CDKAL1: variants seen among roughly 807,000 people sequenced by gnomAD.
The protein encoded by CDKAL1 is threonylcarbamoyladenosine tRNA methylthiotransferase.
Under a neutral mutation model 68.2 loss-of-function variants are expected in CDKAL1, and 32 were observed. The observed-to-expected ratio is 0.47, with a 90% confidence interval of 0.35 to 0.63. The LOEUF is 0.63. Ranked by LOEUF, CDKAL1 falls within the 30% of genes least tolerant of loss-of-function variation. CDKAL1 has a pLI of 0.00. For missense variants in CDKAL1, 606 were observed against 696.7 expected (o/e 0.87, Z 1.47); for synonymous variants, 234 against 244.3 (o/e 0.96, Z 0.39).
At chr6:20,825,027 C>T (rs2150449699) in intron 8 of CDKAL1, among the ~76,000 whole-genome samples, 1 of 152,044 alleles carries the variant, frequency 6.6e-6, no homozygotes, top group Non-Finnish European at 1.5e-5. Flanking sequence ...CTGCTTTTTC[C>T]TACCATTTCT....
At chr6:20,660,984 G>A (rs1769259113) in intron 5 of CDKAL1, among the ~76,000 whole-genome samples, 1 of 152,076 alleles carries the variant, frequency 6.6e-6, no homozygotes, top group South Asian at 2.1e-4. Flanking sequence ...AAAATCAACT[G>A]CTTGCTGTTG....
chr6:20,810,392 TCACACACACACACACACACACACACA>T (rs59104508), intron 8 of CDKAL1, among the ~76,000 whole-genome samples: 19 of 115,648 alleles, frequency 1.6e-4, no homozygotes, highest in South Asian at 4.0e-4. Context: ...TCTCTCTCTG[TCACACACACACACACACACACACACA>T]CACACACACA....
At chr6:21,206,894 C>T (rs1778959709) in intron 15 of CDKAL1, among the ~76,000 whole-genome samples, 1 of 151,360 alleles carries the variant, frequency 6.6e-6, no homozygotes, top group Admixed American at 6.6e-5. Flanking sequence ...GCAGTGGTTT[C>T]CTGGCTTTTA....
At chr6:20,694,507 C>T (rs765169364) in intron 5 of CDKAL1, among the ~76,000 whole-genome samples, 1 of 152,036 alleles carries the variant, frequency 6.6e-6, no homozygotes, top group Non-Finnish European at 1.5e-5. Context: ...GCATATTGTC[C>T]ATGTCTGTAT....
chr6:21,082,547 C>T (rs1366005282), intron 12 of CDKAL1, among the ~76,000 whole-genome samples: 5 of 152,192 alleles, frequency 3.3e-5, no homozygotes, highest in African/African-American at 1.2e-4. Context: ...AAAATAAGTA[C>T]TCATCCGATA....
intron 9 of CDKAL1, among the ~76,000 whole-genome samples, chr6:20,908,383 AT>A (rs750909175): frequency 2.8e-4 from 43 of 152,362 alleles, no homozygotes; most frequent in Non-Finnish European, 5.6e-4. Flanking sequence ...TTGATTAAAA[AT>A]GTCACATTTT....
chr6:21,011,969 T>G (rs897024278), intron 11 of CDKAL1, among the ~76,000 whole-genome samples: 1 of 152,172 alleles, frequency 6.6e-6, no homozygotes, highest in East Asian at 1.9e-4. Flanking sequence ...TTCTCAGTCA[T>G]GTAAATGAAG....
chr6:20,641,747 A>G (rs932532566), intron 4 of CDKAL1, among the ~76,000 whole-genome samples: 4 of 152,212 alleles, frequency 2.6e-5, no homozygotes, highest in African/African-American at 9.7e-5. Context: ...GTGTCGTTAT[A>G]GTGGATATGT....
At chr6:20,724,981 C>T (rs533794115) in intron 5 of CDKAL1, among the ~76,000 whole-genome samples, 6 of 152,212 alleles carry the variant, frequency 3.9e-5, no homozygotes, top group South Asian at 4.1e-4. Flanking sequence ...TCATTCTTGG[C>T]GAATGTGATA....
chr6:20,792,008 G>A (rs1775917685), intron 8 of CDKAL1, among the ~76,000 whole-genome samples: 2 of 151,688 alleles, frequency 1.3e-5, no homozygotes, highest in Non-Finnish European at 2.9e-5. Context: ...TGAAACTTGT[G>A]TAGCCCAACT....
chr6:20,637,036 C>CA (rs58986368), intron 4 of CDKAL1, among the ~76,000 whole-genome samples: 80 of 113,194 alleles, frequency 7.1e-4, no homozygotes, highest in Non-Finnish European at 9.2e-4. Context: ...GACTCCGTCT[C>CA]AAAAAAAAAA....
chr6:20,652,190 A>G (rs1246434920), intron 5 of CDKAL1, among the ~76,000 whole-genome samples: 4 of 152,118 alleles, frequency 2.6e-5, no homozygotes, highest in Non-Finnish European at 5.9e-5. Flanking sequence ...AACTTTTCTA[A>G]TAAGTAATTT....
intron 7 of CDKAL1, among the ~76,000 whole-genome samples, chr6:20,763,743 A>T (rs149522182): frequency 6.6e-6 from 1 of 152,112 alleles, no homozygotes; most frequent in South Asian, 2.1e-4. Flanking sequence ...AAAGCATTTA[A>T]CTCTATTGTA....
chr6:21,139,805 G>A (rs1288412952), intron 13 of CDKAL1, among the ~76,000 whole-genome samples: 1 of 152,144 alleles, frequency 6.6e-6, no homozygotes, highest in East Asian at 1.9e-4. Flanking sequence ...ACTGCTCCCA[G>A]CCTCCTGTGC....
chr6:20,556,271 A>G (rs1234846711), intron 4 of CDKAL1, among the ~76,000 whole-genome samples: 4 of 152,218 alleles, frequency 2.6e-5, no homozygotes, highest in Admixed American at 6.5e-5. Flanking sequence ...AGGCCGAGGC[A>G]GGAGAATAGC....
chr6:20,870,250 A>G (rs1034794835), intron 9 of CDKAL1, among the ~76,000 whole-genome samples: 3 of 152,162 alleles, frequency 2.0e-5, no homozygotes, highest in Non-Finnish European at 4.4e-5. Flanking sequence ...TGAATTTCCC[A>G]TCACTCATTT....
At chr6:21,095,401 C>T (rs756447297) in intron 12 of CDKAL1, among the ~76,000 whole-genome samples, 3 of 152,184 alleles carry the variant, frequency 2.0e-5, no homozygotes, top group Non-Finnish European at 4.4e-5. Context: ...CCTTTTCCCA[C>T]TTGTGTGAAC....
At chr6:21,177,649 A>G (rs1223532369) in intron 13 of CDKAL1, among the ~76,000 whole-genome samples, 2 of 151,992 alleles carry the variant, frequency 1.3e-5, no homozygotes, top group Non-Finnish European at 2.9e-5. Flanking sequence ...GTATTATTTA[A>G]AGTTTTCCTC....
At chr6:21,106,817 T>G (rs1415169582) in intron 12 of CDKAL1, among the ~76,000 whole-genome samples, 2 of 152,184 alleles carry the variant, frequency 1.3e-5, no homozygotes, top group Non-Finnish European at 2.9e-5. Flanking sequence ...TAGAATGACC[T>G]CTTTTCTTTG....
Sources: gnomAD v4.1 joint callset for allele counts (sites outside exome capture counted in the v4.1 genomes callset) on GRCh38, gnomAD v4.1.1 for gene constraint, MANE v1.5 for transcripts, NCBI Gene and HGNC (gene_info 2026-07-23, HGNC 2026-07-21) for gene names.